CORO1C: variants seen among roughly 807,000 people sequenced by gnomAD.
CORO1C encodes coronin-1C.
CORO1C carries 14 observed loss-of-function variants against 51.2 expected under a neutral mutation model. That is an observed-to-expected ratio of 0.27 (90% confidence interval 0.18 to 0.43). The LOEUF (loss-of-function observed/expected upper bound fraction) is 0.43, where lower values mean the gene tolerates loss of function less well. Ranked by LOEUF, CORO1C falls within the 20% of genes least tolerant of loss-of-function variation. The probability of loss-of-function intolerance (pLI) is 1.00; values close to 1 mark genes in which losing one functional copy is unlikely to be tolerated. For missense variants in CORO1C, 417 were observed against 607.8 expected, an observed-to-expected ratio of 0.69 and a Z score of 3.30; for synonymous variants, 181 against 210.5, an observed-to-expected ratio of 0.86 and a Z score of 1.21.
intron 2 of CORO1C, among the ~76,000 whole-genome samples, chr12:108,689,809 A>G (rs943126139): frequency 6.6e-6 from 1 of 152,222 alleles, no homozygotes; most frequent in African/African-American, 2.4e-5. Context: ...CCCAAATTTC[A>G]ATCATAACTT....
At position 108,654,413 on chromosome 12, in the gene CORO1C, G is replaced by C. The variant is rs749998915; in HGVS notation, c.751-3C>G. On this transcript the variant is annotated splice_region_variant and splice_polypyrimidine_tract_variant and intron_variant, in intron 6 of 10. Coordinates refer to ENST00000261401, the MANE Select transcript of CORO1C (RefSeq NM_014325.4). ...GCAATTGGTTCCTGCATATTTTTCT[G>C]GGGGGAAGATAATAATAATACATAT... The C allele has an allele frequency of 6.4e-7, 1 of 1,566,912 alleles. No individual in the cohort carries two copies. Among genetic ancestry groups the C allele is most frequent in the Non-Finnish European group, 8.8e-7 (1 of 1,137,982 alleles).
At chr12:108,648,306 G>T (rs1176894800) in intron 10 of CORO1C, among the ~76,000 whole-genome samples, 6 of 152,134 alleles carry the variant, frequency 3.9e-5, no homozygotes, top group Non-Finnish European at 8.8e-5. Flanking sequence ...AAAAACCCAA[G>T]AGGCTCCTGT....
intron 5 of CORO1C, 123 bp from the exon 6 acceptor site, chr12:108,657,546 G>A: frequency 9.8e-7 from 1 of 1,025,198 alleles, no homozygotes; most frequent in Non-Finnish European, 1.4e-6. Flanking sequence ...TGGGAGGGAG[G>A]TCAGTGTTAA....
intron 1 of CORO1C, among the ~76,000 whole-genome samples, chr12:108,725,557 G>C (rs2035568374): frequency 2.0e-5 from 3 of 152,184 alleles, no homozygotes; most frequent in Admixed American, 6.5e-5. Flanking sequence ...GTGAAGCCCA[G>C]CTCTATCTGG....
In CORO1C at chr12:108,648,727, T is replaced by G. The variant is rs964080030; in HGVS notation, c.1183A>C (p.Ile395Leu). 5.3e-5 allele frequency: 85 copies of G among 1,614,082 alleles called. No individual in the cohort carries two copies. Among genetic ancestry groups the G allele is most frequent in the Non-Finnish European group, 7.1e-5 (84 of 1,180,044 alleles). ...PILISLKHGY[I>L]PGKNRDLKVV... ...TTGAGATCCCTGTTTTTGCCTGGAA[T>G]GTACCCGTGCTTCAAGGAGATGAGG... is the stretch of plus-strand genomic sequence containing the variant. The change falls in exon 10 of 11, where the codon ATT (isoleucine) becomes CTT (leucine). Residue 395 changes from isoleucine to leucine, a missense_variant. Transcript: ENST00000261401.
At chr12:108,716,503 C>T (rs1013734960) in intron 1 of CORO1C, among the ~76,000 whole-genome samples, 2 of 152,012 alleles carry the variant, frequency 1.3e-5, no homozygotes, top group African/African-American at 2.4e-5. Flanking sequence ...CTTGGGCAAG[C>T]GGAGATTAAA....
At chr12:108,647,672 A>G (rs1324448596) in intron 10 of CORO1C, 150 bp from the exon 11 acceptor site, 2 of 595,786 alleles carry the variant, frequency 3.4e-6, no homozygotes, top group East Asian at 2.9e-5. Context: ...AAGCCCTACT[A>G]TGTCTGGGGC....
At chr12:108,662,286 G>A (rs1429004504) in intron 3 of CORO1C, 128 bp from the exon 4 acceptor site, 7 of 797,484 alleles carry the variant, frequency 8.8e-6, no homozygotes, top group African/African-American at 6.9e-5. Context: ...TGGATGAAAG[G>A]CAGAATGTTG....
chr12:108,716,017 G>C (rs1302366037), intron 1 of CORO1C, among the ~76,000 whole-genome samples: 1 of 149,834 alleles, frequency 6.7e-6, no homozygotes, highest in Non-Finnish European at 1.5e-5. Context: ...TGTAATCCCA[G>C]CTACTCGGGA....
intron 3 of CORO1C, among the ~76,000 whole-genome samples, chr12:108,662,545 GC>G (rs2033317140): frequency 6.6e-6 from 1 of 152,038 alleles, no homozygotes; most frequent in Admixed American, 6.5e-5. Context: ...TTTCCTCTCA[GC>G]TTTTATTTAA....
chr12:108,702,509 A>G (rs1189873985), intron 1 of CORO1C, among the ~76,000 whole-genome samples: 1 of 152,188 alleles, frequency 6.6e-6, no homozygotes, highest in African/African-American at 2.4e-5. Context: ...CCTAGACTGC[A>G]CCCAATGTAA....
rs754430834 is a variant in CORO1C, at chr12:108,648,732, C to A, written c.1178G>T (p.Gly393Val). The A allele has an allele frequency of 6.2e-7, 1 of 1,614,140 alleles. No homozygotes were observed. Among genetic ancestry groups the A allele is most frequent in the Non-Finnish European group, 8.5e-7 (1 of 1,180,028 alleles). The change falls in exon 10 of 11, where the codon GGG becomes GTG. Residue 393 changes from glycine to valine, a missense_variant. Physicochemically the swap from Gly to Val is moderately radical, Grantham distance 109 (BLOSUM62 -3). Transcript: ENST00000261401. ...ADPILISLKH[G>V]YIPGKNRDLK... ...ATCCCTGTTTTTGCCTGGAATGTAC[C>A]CGTGCTTCAAGGAGATGAGGATTGG...
At chr12:108,654,638 G>A (rs1242980813) in intron 6 of CORO1C, among the ~76,000 whole-genome samples, 1 of 151,720 alleles carries the variant, frequency 6.6e-6, no homozygotes, top group African/African-American at 2.4e-5. Flanking sequence ...CATAATGCGC[G>A]CATACATCAG....
intron 8 of CORO1C, among the ~76,000 whole-genome samples, chr12:108,651,646 C>T (rs2032662422): frequency 6.6e-6 from 1 of 152,234 alleles, no homozygotes; most frequent in Admixed American, 6.5e-5. Context: ...CCAGGGAACG[C>T]TGACCATGGC....
intron 2 of CORO1C, among the ~76,000 whole-genome samples, chr12:108,691,171 A>G (rs2034482292): frequency 6.6e-6 from 1 of 151,878 alleles, no homozygotes; most frequent in Admixed American, 6.6e-5. Context: ...TGCAGTATAG[A>G]CTCAATTCAG....
intron 1 of CORO1C, among the ~76,000 whole-genome samples, chr12:108,724,825 TATTA>T (rs1303788310): frequency 3.3e-5 from 5 of 152,214 alleles, no homozygotes; most frequent in Non-Finnish European, 7.3e-5. Flanking sequence ...CTTTGCATTA[TATTA>T]ATTACTCATT....
chr12:108,651,329 G>C (rs957454380), intron 8 of CORO1C, among the ~76,000 whole-genome samples: 3 of 152,168 alleles, frequency 2.0e-5, no homozygotes, highest in Non-Finnish European at 4.4e-5. Context: ...GAAATGGCCA[G>C]TGGTCACTGA....
intron 1 of CORO1C, among the ~76,000 whole-genome samples, chr12:108,705,804 C>A (rs1008764384): frequency 6.6e-6 from 1 of 152,028 alleles, no homozygotes; most frequent in African/African-American, 2.4e-5. Flanking sequence ...CCTAGGAATG[C>A]GAGGTTGGGT....
chr12:108,672,512 ATTC>A (rs1265092393), intron 3 of CORO1C, among the ~76,000 whole-genome samples: 6 of 152,186 alleles, frequency 3.9e-5, no homozygotes, highest in African/African-American at 1.2e-4. Flanking sequence ...GGATGTTCTA[ATTC>A]TTCTTCTGTA....
Sources: gnomAD v4.1 joint callset for allele counts (sites outside exome capture counted in the v4.1 genomes callset) on GRCh38, gnomAD v4.1.1 for gene constraint, MANE v1.5 for transcripts, NCBI Gene and HGNC (gene_info 2026-07-23, HGNC 2026-07-21) for gene names.